TP53BP2: variants seen among roughly 807,000 people sequenced by gnomAD.
TP53BP2 encodes tumor protein p53 binding protein 2.
Under a neutral mutation model 126.2 loss-of-function variants are expected in TP53BP2, and 62 were observed. The ratio of observed to expected loss-of-function variants is 0.49; its 90% CI spans 0.40 to 0.61. TP53BP2 has a LOEUF of 0.61. TP53BP2 is among the 20% of genes least tolerant of loss of function. TP53BP2 has a pLI of 0.00. For missense variants in TP53BP2, 1,215 were observed against 1,402.8 expected (o/e 0.87, Z 2.14); for synonymous variants, 485 against 502.9 (o/e 0.96, Z 0.48).
chr1:223,793,485 A>T, intron 13 of TP53BP2, 45 bp from the exon 14 acceptor site: 1 of 1,466,950 alleles, frequency 6.8e-7, no homozygotes, highest in Non-Finnish European at 9.0e-7. Context: ...CGTCTATGCA[A>T]GAGAACAACA....
intron 1 of TP53BP2, among the ~76,000 whole-genome samples, chr1:223,823,594 A>G (rs1663391065): frequency 6.6e-6 from 1 of 152,244 alleles, no homozygotes; most frequent in Non-Finnish European, 1.5e-5. Flanking sequence ...TTTTGACTAC[A>G]TAAAGGTACA....
At chr1:223,823,823 A>G (rs552895718) in intron 1 of TP53BP2, among the ~76,000 whole-genome samples, 5 of 152,344 alleles carry the variant, frequency 3.3e-5, no homozygotes, top group African/African-American at 1.2e-4. Flanking sequence ...ACCGATGCAA[A>G]AACTTGCTTT....
rs767357760 is a variant in TP53BP2 at position 223,798,180 on chromosome 1, T to A, written c.1948+35A>T. 6 of 1,579,370 alleles carry A rather than the reference T, an allele frequency of 3.8e-6. No individual in the cohort carries two copies. In the South Asian group the frequency reaches 5.8e-5, roughly 15 times the overall value. On this transcript the variant is annotated intron_variant, in intron 12 of 17. Transcript: ENST00000343537. ...GATGGCTTAAGTTCTGGTATAGAAC[T>A]TAAGCACGTCACCTATGAACGTTAA... is the stretch of plus-strand genomic sequence containing the variant.
intron 1 of TP53BP2, among the ~76,000 whole-genome samples, chr1:223,840,649 G>C (rs569605001): frequency 6.6e-6 from 1 of 152,282 alleles, no homozygotes; most frequent in Non-Finnish European, 1.5e-5. Context: ...AGAGACAAAG[G>C]TCTACAGTAT....
At chr1:223,823,524 T>C (rs74335320) in intron 1 of TP53BP2, among the ~76,000 whole-genome samples, 1,562 of 152,318 alleles carry the variant, frequency 0.01, 35 homozygotes, top group African/African-American at 0.036. Context: ...AAAAAAACAC[T>C]GTAGACTTTC....
At chr1:223,839,319 T>G (rs1235953864) in intron 1 of TP53BP2, among the ~76,000 whole-genome samples, 2 of 152,172 alleles carry the variant, frequency 1.3e-5, no homozygotes, top group African/African-American at 4.8e-5. Context: ...ATAAGGGGAT[T>G]AGACGGGATG....
At chr1:223,787,289 AG>A (rs1190832860) in intron 16 of TP53BP2, among the ~76,000 whole-genome samples, 1 of 152,168 alleles carries the variant, frequency 6.6e-6, no homozygotes, top group Non-Finnish European at 1.5e-5. Context: ...CTAGGAGTTC[AG>A]GGTTGTAGTG....
Position 223,796,224 on chromosome 1 carries a change from G to A in TP53BP2, c.2315C>T (p.Ser772Phe). Residue 772 changes from serine to phenylalanine, a missense_variant, in exon 13 of 18, where the codon TCT becomes TTT. Physicochemically the swap from Ser to Phe is radical, Grantham distance 155 (BLOSUM62 -2). Transcript: ENST00000343537. The surrounding 1 kb of genome is among the most constrained non-coding windows in gnomAD (Gnocchi z 4.2). Reference protein sequence around the residue: ...RTTIAAMETISVPSYPSKSAS... With the variant: ...RTTIAAMETIFVPSYPSKSAS... ...TGACTTGGATGGGTATGATGGGACA[G>A]AGATGGTCTCCATGGCCGCTATGGT... 1 of 1,614,200 alleles carries A rather than the reference G, an allele frequency of 6.2e-7. No individual in the cohort carries two copies. Among genetic ancestry groups the A allele is most frequent in the South Asian group, 1.1e-5 (1 of 91,082 alleles).
At chr1:223,841,095 T>C (rs1664086628) in intron 1 of TP53BP2, among the ~76,000 whole-genome samples, 1 of 151,880 alleles carries the variant, frequency 6.6e-6, no homozygotes, top group Non-Finnish European at 1.5e-5. Context: ...TACTAAAAAA[T>C]ACAAAAATTA....
At chr1:223,787,380 TA>T (rs1163453461) in intron 16 of TP53BP2, among the ~76,000 whole-genome samples, 1 of 150,840 alleles carries the variant, frequency 6.6e-6, no homozygotes, top group East Asian at 1.9e-4. Flanking sequence ...CATAAATATA[TA>T]AAATTTATAT....
At chr1:223,844,149 G>A (rs1454369273) in intron 1 of TP53BP2, among the ~76,000 whole-genome samples, 7 of 152,196 alleles carry the variant, frequency 4.6e-5, no homozygotes, top group Non-Finnish European at 8.8e-5. Flanking sequence ...TTCAAAGCTG[G>A]TGTAAGTGCC....
chr1:223,821,239 A>G lies in TP53BP2; in HGVS notation c.156T>C (p.Ala52=), dbSNP rs1663295694. 2 of 1,614,064 alleles carry G rather than the reference A, an allele frequency of 1.2e-6. No homozygotes were observed. The highest frequency in any genetic ancestry group is 2.2e-5 in the South Asian group (2 of 91,078). The change falls in exon 2 of 18, where the codon GCT becomes GCC. Residue 52 remains alanine (A), a synonymous_variant. Coordinates refer to ENST00000343537, the MANE Select transcript of TP53BP2 (RefSeq NM_001031685.3). ...TCTCACCAGAGCCACACCACACTTC[A>G]GCCAAATGGCAATCACTCTCGCCGG... The part of the protein sequence containing the change: ...KEPGESDCHL[A]EVWCGSERPV...
At chr1:223,782,393 G>A (rs1661804215) in intron 17 of TP53BP2, among the ~76,000 whole-genome samples, 1 of 152,240 alleles carries the variant, frequency 6.6e-6, no homozygotes, top group South Asian at 2.1e-4. Flanking sequence ...GAAAGTGGCT[G>A]TAGGCAAGAG....
intron 1 of TP53BP2, among the ~76,000 whole-genome samples, chr1:223,833,752 G>T (rs1236343389): frequency 1.3e-5 from 2 of 152,158 alleles, no homozygotes; most frequent in African/African-American, 4.8e-5. Context: ...TCAACAAGAA[G>T]TTTCGTTCAT....
At chr1:223,843,425 T>G (rs1245969568) in intron 1 of TP53BP2, among the ~76,000 whole-genome samples, 6 of 152,188 alleles carry the variant, frequency 3.9e-5, no homozygotes, top group Non-Finnish European at 8.8e-5. Context: ...CGCCTCGACC[T>G]CCCAAAGTGC....
At chr1:223,800,269 T>C (rs1662484204) in intron 10 of TP53BP2, among the ~76,000 whole-genome samples, 1 of 152,136 alleles carries the variant, frequency 6.6e-6, no homozygotes, top group South Asian at 2.1e-4. Flanking sequence ...TGTTAAATAT[T>C]GTCCCTATTG....
chr1:223,822,103 G>A (rs144649779), intron 1 of TP53BP2, among the ~76,000 whole-genome samples: 2 of 151,962 alleles, frequency 1.3e-5, no homozygotes, highest in African/African-American at 4.8e-5. Flanking sequence ...TAGTAGAGAC[G>A]GGGTTTCATT....
chr1:223,844,076 T>G (rs1469881343), intron 1 of TP53BP2, among the ~76,000 whole-genome samples: 1 of 151,564 alleles, frequency 6.6e-6, no homozygotes, highest in Non-Finnish European at 1.5e-5. Flanking sequence ...GAGGGACAAG[T>G]TTTTTTTAAG....
At position 223,804,316 on chromosome 1, in the gene TP53BP2, A is replaced by T; in HGVS notation, c.507T>A (p.Asp169Glu). ...CAGCAACTTGTTGCTGTTGTCGCTG[A>T]TCTTGTTGTTTCAAAAACTTTAAGC... ...EQRLKFLKQQ[D>E]QRQQQQVAEQ... is the part of the protein sequence containing the mutation. The change falls in exon 6 of 18, where the codon GAT (aspartate) becomes GAA (glutamate). Residue 169 changes from aspartate (D) to glutamate (E), a missense_variant. Around this residue, in one of 4 missense-constraint regions of TP53BP2, gnomAD observed 814 missense variants for 853.0 expected, o/e 0.95. Coordinates refer to ENST00000343537, the MANE Select transcript of TP53BP2 (RefSeq NM_001031685.3). The T allele has an allele frequency of 6.2e-7, 1 of 1,613,584 alleles. No individual in the cohort carries two copies. Among genetic ancestry groups the T allele is most frequent in the African/African-American group, 1.3e-5 (1 of 74,940 alleles).
Sources: allele counts gnomAD v4.1 joint callset (sites outside exome capture counted in the v4.1 genomes callset), GRCh38; gene constraint gnomAD v4.1.1; regional missense constraint gnomAD v4.1.1; non-coding constraint Gnocchi (gnomAD v3.1); transcripts MANE v1.5; gene names NCBI Gene and HGNC (gene_info 2026-07-23, HGNC 2026-07-21).